The following RAF1 variants were observed in gnomAD, a reference collection of about 807,000 sequenced individuals.
The protein encoded by RAF1 is RAF proto-oncogene serine/threonine-protein kinase.
Under a neutral mutation model 81.1 loss-of-function variants are expected in RAF1, and 27 were observed. The observed-to-expected ratio is 0.33, with a 90% CI of 0.25 to 0.46. RAF1 has a LOEUF of 0.46. RAF1 is among the 20% of genes least tolerant of loss of function. The pLI, the probability that RAF1 is intolerant of heterozygous loss-of-function variation, is 1.00. For synonymous variants in RAF1, 298 were observed against 294.0 expected (o/e 1.01, Z -0.14); for missense variants, 598 against 826.0 (o/e 0.72, Z 3.38).
intron 7 of RAF1, among the ~76,000 whole-genome samples, chr3:12,603,872 T>C (rs1348956340): frequency 6.6e-6 from 1 of 152,250 alleles, no homozygotes; most frequent in African/African-American, 2.4e-5. Flanking sequence ...TGTTCATTAA[T>C]AGCCTATTCA....
At position 12,585,632 on chromosome 3, in the gene RAF1, T is replaced by C. The variant is rs201977436; in HGVS notation, c.1596+49A>G. ...AGTTTGCACATAAATCTCCAAGGCA[T>C]TCCTTTTGCCCTATACCAGAGACTG... On this transcript the variant is annotated intron_variant, in intron 15 of 17. Coordinates refer to ENST00000442415, the MANE Select transcript of RAF1 (RefSeq NM_001354689.3). 6 of 1,489,392 alleles carry C rather than the reference T, an allele frequency of 4.0e-6. No homozygotes were observed. In the Admixed American group the frequency reaches 1.0e-4, roughly 25 times the overall value. 92.3% of individuals were successfully genotyped at this position (1,489,392 alleles called of 1,614,324 possible). A position where few individuals can be genotyped will look rare whatever the true frequency, so the allele number is the denominator to read the frequency against.
intron 1 of RAF1, among the ~76,000 whole-genome samples, chr3:12,647,424 A>G (rs1386099005): frequency 6.6e-6 from 1 of 152,004 alleles, no homozygotes; most frequent in Non-Finnish European, 1.5e-5. Flanking sequence ...AACATGGAGA[A>G]ACCCCATCTC....
chr3:12,606,855 C>G (rs1559430178), intron 5 of RAF1, among the ~76,000 whole-genome samples: 1 of 152,042 alleles, frequency 6.6e-6, no homozygotes, highest in Non-Finnish European at 1.5e-5. Flanking sequence ...TCCCTTCCCC[C>G]AATTTTTGTA....
chr3:12,640,382 C>G (rs1488622657), intron 1 of RAF1, among the ~76,000 whole-genome samples: 1 of 152,156 alleles, frequency 6.6e-6, no homozygotes, highest in Non-Finnish European at 1.5e-5. Flanking sequence ...TCTAATTAAA[C>G]TAAAGAGCTT....
At chr3:12,587,503 C>G in intron 14 of RAF1, 88 bp downstream of exon 13, 1 of 1,253,368 alleles carries the variant, frequency 8.0e-7, no homozygotes, top group Non-Finnish European at 1.2e-6. Flanking sequence ...TCCCCTGGCA[C>G]CGAGAGCCAC....
chr3:12,592,638 G>A (rs2125351514), intron 11 of RAF1, among the ~76,000 whole-genome samples: 1 of 151,534 alleles, frequency 6.6e-6, no homozygotes, highest in Middle Eastern at 3.4e-3. Flanking sequence ...ACTGACAACT[G>A]ATTGTCAAGC....
chr3:12,641,638 T>C (rs773415742), intron 1 of RAF1, among the ~76,000 whole-genome samples: 11 of 151,746 alleles, frequency 7.2e-5, no homozygotes, highest in Non-Finnish European at 1.6e-4. Flanking sequence ...ACCACAGGCA[T>C]GTGCCACCAT....
intron 1 of RAF1, among the ~76,000 whole-genome samples, chr3:12,645,027 AGTTGGAG>A (rs2060300469): frequency 7.0e-6 from 1 of 143,482 alleles, no homozygotes. Flanking sequence ...TGAACCAGAG[AGTTGGAG>A]GTTGCAGTGA....
At chr3:12,641,206 C>T (rs1411920405) in intron 1 of RAF1, among the ~76,000 whole-genome samples, 3 of 87,248 alleles carry the variant, frequency 3.4e-5, no homozygotes, top group Non-Finnish European at 6.4e-5. Context: ...CACACCGGGG[C>T]CTGTCATGGG....
intron 1 of RAF1, among the ~76,000 whole-genome samples, chr3:12,641,424 T>TA (rs1311434268): frequency 1.3e-5 from 2 of 150,432 alleles, no homozygotes; most frequent in East Asian, 3.9e-4. Context: ...TAGTTCCACT[T>TA]ACAGGAAATA....
rs181422435 is a variant in RAF1, at chr3:12,625,165, C to A, written c.-26-6418G>T. On this transcript the variant is annotated intron_variant, in intron 1 of 17. Transcript: ENST00000442415. ...GTGGCGCAATCTCTGCTCATTGCAG[C>A]CTCCACCTTCTGGGTTCAAGTGATT... Among the ~76,000 whole-genome samples the A allele has an allele frequency of 7.1e-3, 1,080 of 152,068 alleles. 6 individuals are homozygous for A. The highest frequency in any genetic ancestry group is 0.024 in the African/African-American group (1,012 of 41,502).
chr3:12,599,661 CAGTTAGTAAAGGGAGGGCCCCA>C lies in RAF1; in HGVS notation c.1168+8_1168+29del. 2 of 1,559,996 alleles carry C rather than the reference CAGTTAGTAAAGGGAGGGCCCCA, an allele frequency of 1.3e-6. No homozygotes were observed. Among genetic ancestry groups the C allele is most frequent in the Non-Finnish European group, 1.8e-6 (2 of 1,130,866 alleles). Reference sequence around the variant, plus strand: ...AACTTGACTTCACACCAAAGCCCTGCAGTTAGTAAAGGGAGGGCCCCAAGCTTACCGTGCCATTTACCCTTAT... The same window carrying C: ...AACTTGACTTCACACCAAAGCCCTGCAGCTTACCGTGCCATTTACCCTTAT... On this transcript the variant is annotated splice_region_variant and intron_variant, in intron 11 of 17. Transcript: ENST00000442415.
chr3:12,638,264 G>A (rs2060086287), intron 1 of RAF1, among the ~76,000 whole-genome samples: 1 of 152,092 alleles, frequency 6.6e-6, no homozygotes, highest in Non-Finnish European at 1.5e-5. Flanking sequence ...ATGGCATCTG[G>A]GCTATCTGGC....
At chr3:12,603,599 C>A in intron 7 of RAF1, 2 of 655,772 alleles carry the variant, frequency 3.0e-6, no homozygotes, top group South Asian at 3.3e-5. Context: ...TAAGTGTATT[C>A]AGTTGTTATT....
intron 1 of RAF1, among the ~76,000 whole-genome samples, chr3:12,645,025 A>G (rs2060300334): frequency 6.8e-6 from 1 of 146,838 alleles, no homozygotes; most frequent in African/African-American, 2.5e-5. Context: ...CTTGAACCAG[A>G]GAGTTGGAGG....
intron 1 of RAF1, among the ~76,000 whole-genome samples, chr3:12,645,968 T>C (rs557288348): frequency 6.6e-6 from 1 of 152,354 alleles, no homozygotes; most frequent in African/African-American, 2.4e-5. Flanking sequence ...ATGTCTTATA[T>C]ATCACAAGCA....
rs59553592 is a variant in RAF1, at chr3:12,642,719, C to CAA, written c.-27+21092_-27+21093dup. On this transcript the variant is annotated intron_variant, in intron 1 of 17. Coordinates refer to ENST00000442415, the MANE Select transcript of RAF1 (RefSeq NM_001354689.3). ...ACACACACACACACACACACACACA[C>CAA]AAAATAGCTGCGTATGGTGGCATGG... Among the ~76,000 whole-genome samples, 17 of 141,480 alleles carry CAA rather than the reference C, an allele frequency of 1.2e-4. No homozygotes were observed. The South Asian group carries it at 1.3e-3, about 11-fold the overall frequency. The allele number at this position is 141,480 out of a possible 152,430, so 92.8% of individuals were successfully genotyped here.
Position 12,618,726 on chromosome 3 carries a change from G to A in RAF1, c.-5C>T. 6.2e-7 allele frequency: 1 copy of A among 1,613,974 alleles called. No individual in the cohort carries two copies. The highest frequency in any genetic ancestry group is 8.5e-7 in the Non-Finnish European group (1 of 1,179,896). On this transcript the variant is annotated 5_prime_UTR_variant, in exon 2 of 18. Coordinates refer to ENST00000442415, the MANE Select transcript of RAF1 (RefSeq NM_001354689.3). ...AGCTCCCTGTATGTGCTCCATTGAT[G>A]CAGCTTAAACAATTCTTAAACCTGG...
At chr3:12,625,465 G>A (rs1211536267) in intron 1 of RAF1, among the ~76,000 whole-genome samples, 2 of 152,154 alleles carry the variant, frequency 1.3e-5, no homozygotes, top group East Asian at 1.9e-4. Flanking sequence ...ATAAACCACA[G>A]AAGTACAGCA....
Sources: gnomAD v4.1 joint callset for allele counts (sites outside exome capture counted in the v4.1 genomes callset) on GRCh38, gnomAD v4.1.1 for gene constraint, MANE v1.5 for transcripts, NCBI Gene and HGNC (gene_info 2026-07-23, HGNC 2026-07-21) for gene names.